The following DLGAP1 variants were observed in gnomAD, a reference collection of about 807,000 sequenced individuals.
DLGAP1 encodes the protein DLG associated protein 1, also known as disks large-associated protein 1.
A neutral mutation model predicts 90.8 loss-of-function variants in DLGAP1; 11 were observed. The ratio of observed to expected loss-of-function variants is 0.12; its 90% CI spans 0.08 to 0.20. The LOEUF is 0.20. DLGAP1 is among the 10% of genes least tolerant of loss of function. The pLI is 1.00. For synonymous variants in DLGAP1, 558 were observed against 540.7 expected, an observed-to-expected ratio of 1.03 and a Z score of -0.44; for missense variants, 1,050 against 1,333.8, an observed-to-expected ratio of 0.79 and a Z score of 3.31.
intron 7 of DLGAP1, among the ~76,000 whole-genome samples, chr18:3,676,656 C>T (rs1449833039): frequency 6.6e-6 from 1 of 150,682 alleles, no homozygotes. Flanking sequence ...AATACCATTA[C>T]CCTCAAGACC....
chr18:3,503,472 A>G (rs1379893317), intron 11 of DLGAP1, among the ~76,000 whole-genome samples: 4 of 152,226 alleles, frequency 2.6e-5, no homozygotes. Flanking sequence ...AAACACAGCT[A>G]GGAGACTGAA....
At chr18:3,562,284 G>A (rs1449047514) in intron 9 of DLGAP1, among the ~76,000 whole-genome samples, 1 of 152,054 alleles carries the variant, frequency 6.6e-6, no homozygotes, top group African/African-American at 2.4e-5. Context: ...CCAAGTGGCT[G>A]TGGTGGAAGG....
Position 3,600,957 on chromosome 18 carries a change from TATAGATATATAG to T in DLGAP1, c.1592-18721_1592-18710del, listed in dbSNP as rs1416791344. Among the ~76,000 whole-genome samples the T allele has an allele frequency of 1.4e-3, 135 of 93,986 alleles. 9 individuals carry two copies. The highest frequency in any genetic ancestry group is 5.1e-3 in the African/African-American group (128 of 24,926). The allele number at this position is 93,986 out of a possible 152,430, so 61.7% of individuals were successfully genotyped here. On this transcript the variant is annotated intron_variant, in intron 7 of 12. Transcript: ENST00000315677. Reference sequence around the variant, plus strand: ...ATATATAGATAGATATATAGATATATATAGATATATAGATAGATATATAGATATAGATATATA... The same window carrying T: ...ATATATAGATAGATATATAGATATATATAGATATATAGATATAGATATATA...
chr18:3,808,880 G>A (rs370457184), intron 5 of DLGAP1, among the ~76,000 whole-genome samples: 3 of 152,124 alleles, frequency 2.0e-5, no homozygotes, highest in South Asian at 4.2e-4. Context: ...GGCTCCTCAC[G>A]TAGAAATCAA....
intron 1 of DLGAP1, among the ~76,000 whole-genome samples, chr18:4,162,317 G>A (rs2076860690): frequency 6.6e-6 from 1 of 152,092 alleles, no homozygotes. Flanking sequence ...GGAATGGTGT[G>A]GGTTATGTGG....
chr18:4,449,543 A>G (rs2083764936), intron 1 of DLGAP1, among the ~76,000 whole-genome samples: 1 of 152,196 alleles, frequency 6.6e-6, no homozygotes. Flanking sequence ...ATGTGCATTC[A>G]CTTGTTTATT....
chr18:3,950,892 G>T (rs1413596761), intron 3 of DLGAP1, among the ~76,000 whole-genome samples: 2 of 152,182 alleles, frequency 1.3e-5, no homozygotes, highest in Non-Finnish European at 2.9e-5. Flanking sequence ...TATAGGTATT[G>T]ATATGAATGA....
chr18:3,713,828 G>A (rs112257612), intron 7 of DLGAP1, among the ~76,000 whole-genome samples: 226 of 152,270 alleles, frequency 1.5e-3, no homozygotes, highest in African/African-American at 5.1e-3. Flanking sequence ...GGACTGCTGT[G>A]CAGAGTACTC....
At chr18:3,705,567 G>C (rs1387860625) in intron 7 of DLGAP1, among the ~76,000 whole-genome samples, 1 of 151,324 alleles carries the variant, frequency 6.6e-6, no homozygotes, top group Non-Finnish European at 1.5e-5. Context: ...TTTCACCAAG[G>C]GCCCAGGACT....
intron 7 of DLGAP1, among the ~76,000 whole-genome samples, chr18:3,703,659 T>C (rs1427597256): frequency 6.6e-6 from 1 of 152,222 alleles, no homozygotes; most frequent in Non-Finnish European, 1.5e-5. Context: ...TTTCGTTCTT[T>C]TTTGTTTTTT....
At chr18:4,222,353 A>C (rs1274602278) in intron 1 of DLGAP1, among the ~76,000 whole-genome samples, 1 of 152,178 alleles carries the variant, frequency 6.6e-6, no homozygotes, top group Non-Finnish European at 1.5e-5. Context: ...AAACTCCATG[A>C]GGCAGAGCCC....
intron 2 of DLGAP1, among the ~76,000 whole-genome samples, chr18:4,068,928 A>T (rs1418611471): frequency 6.6e-6 from 1 of 152,162 alleles, no homozygotes; most frequent in East Asian, 1.9e-4. Context: ...CTTAATGTGG[A>T]AGAAGTGCTG....
rs985999477 is a variant in DLGAP1 at position 4,105,389 on chromosome 18, T to G, written c.-159+45791A>C. Among the ~76,000 whole-genome samples, 2 of 152,210 alleles carry G rather than the reference T, an allele frequency of 1.3e-5. 1 individual carries two copies. The highest frequency in any genetic ancestry group is 4.1e-4 in the South Asian group (2 of 4,832). On this transcript the variant is annotated intron_variant, in intron 2 of 12. Coordinates refer to ENST00000315677, the MANE Select transcript of DLGAP1 (RefSeq NM_004746.4). ...TGGGGAAAGGAAAACCAATGTAACT[T>G]AATAATATCAAAGTGAAATAAAAGT...
At chr18:4,257,184 G>T (rs1320324427) in intron 1 of DLGAP1, among the ~76,000 whole-genome samples, 1 of 152,190 alleles carries the variant, frequency 6.6e-6, no homozygotes, top group Non-Finnish European at 1.5e-5. Flanking sequence ...AATTGCCAGG[G>T]TAAGCAGAAA....
intron 3 of DLGAP1, among the ~76,000 whole-genome samples, chr18:3,925,029 C>T (rs774662255): frequency 1.3e-4 from 19 of 151,976 alleles, no homozygotes; most frequent in Non-Finnish European, 2.1e-4. Flanking sequence ...CTTGGCTTAC[C>T]GCAACCTCCG....
chr18:4,236,314 A>G (rs553519030), intron 1 of DLGAP1, among the ~76,000 whole-genome samples: 1 of 152,328 alleles, frequency 6.6e-6, no homozygotes, highest in East Asian at 1.9e-4. Context: ...GAAGTGCCAT[A>G]ATTCCTTTAG....
At chr18:3,843,431 A>C (rs2068830653) in intron 4 of DLGAP1, among the ~76,000 whole-genome samples, 1 of 152,232 alleles carries the variant, frequency 6.6e-6, no homozygotes, top group Non-Finnish European at 1.5e-5. Flanking sequence ...TACAAATGGC[A>C]GGAAATAGAA....
intron 5 of DLGAP1, among the ~76,000 whole-genome samples, chr18:3,747,001 A>G (rs1338683584): frequency 6.6e-6 from 1 of 152,240 alleles, no homozygotes; most frequent in African/African-American, 2.4e-5. Flanking sequence ...GAGAAACCAA[A>G]TTAAGACAGA....
chr18:3,656,159 G>GCCTTTT, intron 7 of DLGAP1: 1 of 1,515,608 alleles, frequency 6.6e-7, no homozygotes, highest in Non-Finnish European at 8.9e-7. Context: ...GACCCAAATC[G>GCCTTTT]CCTTTTCCAG....
Sources: allele counts gnomAD v4.1 joint callset (sites outside exome capture counted in the v4.1 genomes callset), GRCh38; gene constraint gnomAD v4.1.1; transcripts MANE v1.5; gene names NCBI Gene and HGNC (gene_info 2026-07-23, HGNC 2026-07-21).